Variants in NEBL observed in about 807,000 individuals in gnomAD.
The protein encoded by NEBL is nebulette.
In NEBL, 122 loss-of-function variants were observed where a neutral mutation model predicts 140.2. The observed-to-expected ratio is 0.87, with a 90% CI of 0.75 to 1.01. NEBL has a LOEUF of 1.01. Among genes scored for constraint, NEBL ranks in the 50% least tolerant of loss-of-function variants. The probability of loss-of-function intolerance (pLI) is 0.00; values close to 1 mark genes in which losing one functional copy is unlikely to be tolerated. For synonymous variants in NEBL, 436 were observed against 398.9 expected, an observed-to-expected ratio of 1.09 and a Z score of -1.11; for missense variants, 1,365 against 1,231.3, an observed-to-expected ratio of 1.11 and a Z score of -1.62.
intron 4 of NEBL, among the ~76,000 whole-genome samples, chr10:20,942,446 G>A (rs1403497350): frequency 1.3e-5 from 2 of 152,238 alleles, no homozygotes; most frequent in South Asian, 2.1e-4. Context: ...ATTCAAGATG[G>A]ATTAAAGACT....
At chr10:21,122,844 C>T (rs1241477181) in intron 2 of NEBL, among the ~76,000 whole-genome samples, 1 of 152,088 alleles carries the variant, frequency 6.6e-6, no homozygotes, top group African/African-American at 2.4e-5. Context: ...CCACTTATAC[C>T]CCCTTCAAGT....
intron 4 of NEBL, among the ~76,000 whole-genome samples, chr10:20,937,475 G>A (rs972841572): frequency 5.9e-5 from 9 of 152,108 alleles, no homozygotes; most frequent in Non-Finnish European, 7.4e-5. Context: ...CAAGATGGTC[G>A]AATAGGAACA....
chr10:21,001,883 A>G (rs1837917175), intron 3 of NEBL, among the ~76,000 whole-genome samples: 1 of 152,138 alleles, frequency 6.6e-6, no homozygotes, highest in Admixed American at 6.5e-5. Flanking sequence ...CCACCACACC[A>G]TATATAAGCA....
At chr10:21,179,229 G>A (rs561077653), upstream of NEBL, among the ~76,000 whole-genome samples, 40 of 152,280 alleles carry the variant, frequency 2.6e-4, no homozygotes, top group South Asian at 7.5e-3. Context: ...CTGCCTCATC[G>A]TTATTTGGGG....
At chr10:20,808,040 G>A (rs980405808) in intron 26 of NEBL, among the ~76,000 whole-genome samples, 1 of 149,936 alleles carries the variant, frequency 6.7e-6, no homozygotes, top group Non-Finnish European at 1.5e-5. Context: ...TTTTGGCAAG[G>A]TCTAACTCTG....
rs1204948324 is a variant in NEBL at position 20,799,785 on chromosome 10, T to TTCTAAA, written c.2761+8719_2761+8724dup. On this transcript the variant is annotated intron_variant, in intron 26 of 27. Coordinates refer to ENST00000377122, the MANE Select transcript of NEBL (RefSeq NM_006393.3). ...GTTTATTTTAAATGAAGATACATAG[T>TTCTAAA]TCTAAATCAGGAGTGTATTTTCTTC... 3.3e-5 allele frequency among the ~76,000 whole-genome samples: 5 copies of TTCTAAA among 152,296 alleles called. No homozygotes were observed. The East Asian group carries it at 9.6e-4, about 29-fold the overall frequency.
chr10:20,817,076 C>G (rs1056642674), intron 21 of NEBL, among the ~76,000 whole-genome samples: 4 of 152,042 alleles, frequency 2.6e-5, no homozygotes, highest in Admixed American at 1.3e-4. Context: ...AAGGGATACA[C>G]AACAACCTGT....
At chr10:21,286,939 C>T (rs1207350699) in intron 1 of NEBL, among the ~76,000 whole-genome samples, 7 of 151,820 alleles carry the variant, frequency 4.6e-5, no homozygotes, top group South Asian at 4.2e-4. Context: ...ATGGCAGTAG[C>T]GACAAGTGTG....
intron 3 of NEBL, among the ~76,000 whole-genome samples, chr10:21,216,626 C>T (rs1589332677): frequency 6.6e-6 from 1 of 152,200 alleles, no homozygotes; most frequent in Middle Eastern, 3.4e-3. Flanking sequence ...CAAAAATTAG[C>T]TGGGCATGGT....
chr10:20,840,928 G>C (rs1255184527), intron 12 of NEBL, 79 bp from the exon 13 acceptor site: 2 of 842,088 alleles, frequency 2.4e-6, no homozygotes, highest in Non-Finnish European at 3.9e-6. Context: ...GTTTTCTAGA[G>C]ATCACAGAAA....
chr10:21,227,699 TTC>T (rs1333361138), intron 3 of NEBL, among the ~76,000 whole-genome samples: 365 of 80,348 alleles, frequency 4.5e-3, no homozygotes, highest in South Asian at 0.01. Context: ...CTTCTTCTTC[TTC>T]TTCTTCTTCT....
At chr10:21,117,025 G>T (rs1838315869) in intron 2 of NEBL, among the ~76,000 whole-genome samples, 1 of 152,014 alleles carries the variant, frequency 6.6e-6, no homozygotes, top group Admixed American at 6.6e-5. Context: ...TACTTTGTTG[G>T]TGCTGGAGCT....
chr10:20,800,923 A>C (rs928359484), intron 26 of NEBL, among the ~76,000 whole-genome samples: 9 of 151,942 alleles, frequency 5.9e-5, no homozygotes, highest in African/African-American at 2.2e-4. Flanking sequence ...TGGTCCTCTA[A>C]ATAGCGTTTA....
intron 12 of NEBL, chr10:20,841,409 T>A (rs75017280): frequency 6.4e-6 from 1 of 155,168 alleles, no homozygotes; most frequent in Admixed American, 6.3e-5. Context: ...CACAGCCTGA[T>A]AGATGGTACT....
Position 20,889,925 on chromosome 10 carries a change from T to C in NEBL, c.178A>G (p.Lys60Glu), listed in dbSNP as rs746876287. The change falls in exon 3 of 28, where the codon AAG (lysine) becomes GAG (glutamate). Residue 60 changes from lysine to glutamate, a missense_variant. Physicochemically the swap from Lys to Glu is moderately conservative, Grantham distance 56. Around this residue, in one of 2 missense-constraint regions of NEBL, gnomAD observed 1,323 missense variants for 1,154.8 expected, o/e 1.15. Transcript: ENST00000377122. ...SDIRYKEEFK[K>E]SKDKCTFVTD... ...ACAAATGTACACTTATCCTTGGACT[T>C]TTTAAACTCTTCTTTATAACGGATC... is the stretch of plus-strand genomic sequence containing the variant. 6 of 1,606,268 alleles carry C rather than the reference T, an allele frequency of 3.7e-6. No homozygotes were observed. In the South Asian group the frequency reaches 6.7e-5, roughly 18 times the overall value.
intron 24 of NEBL, 95 bp downstream of exon 24, chr10:20,812,674 T>C (rs1245703595): frequency 1.4e-6 from 2 of 1,455,372 alleles, no homozygotes; most frequent in Non-Finnish European, 1.9e-6. Flanking sequence ...CAACATGTGA[T>C]GAGGAGTCAG....
rs77445663 is a variant in NEBL, at chr10:20,831,184, T to G, written c.1671+12A>C. On this transcript the variant is annotated intron_variant, in intron 16 of 27. Coordinates refer to ENST00000377122, the MANE Select transcript of NEBL (RefSeq NM_006393.3). ...GAATACACGATTCTGAGCATCTTCATTCATGACCAACCTGGCTATAGATTT... is the reference window on the plus strand; with the variant it reads ...GAATACACGATTCTGAGCATCTTCAGTCATGACCAACCTGGCTATAGATTT... 7.8e-5 allele frequency: 123 copies of G among 1,581,428 alleles called. No individual in the cohort carries two copies. The highest frequency in any genetic ancestry group is 1.0e-4 in the Non-Finnish European group (119 of 1,151,004).
At chr10:21,129,318 C>T (rs1388666574) in intron 2 of NEBL, among the ~76,000 whole-genome samples, 1 of 150,940 alleles carries the variant, frequency 6.6e-6, no homozygotes, top group Non-Finnish European at 1.5e-5. Context: ...AAATATTGCC[C>T]AGGCTCTGAC....
chr10:21,249,281 C>A (rs865784183), intron 2 of NEBL, among the ~76,000 whole-genome samples: 6 of 152,246 alleles, frequency 3.9e-5, no homozygotes, highest in Non-Finnish European at 7.4e-5. Context: ...TTATGAGATA[C>A]GTGATTTGAA....
Sources: allele counts gnomAD v4.1 joint callset (sites outside exome capture counted in the v4.1 genomes callset), GRCh38; gene constraint gnomAD v4.1.1; regional missense constraint gnomAD v4.1.1; transcripts MANE v1.5; gene names NCBI Gene and HGNC (gene_info 2026-07-23, HGNC 2026-07-21).